MYLK: variants seen among roughly 807,000 people sequenced by gnomAD.
MYLK encodes the protein myosin light chain kinase.
In MYLK, 106 loss-of-function variants were observed where a neutral mutation model predicts 203.4. The ratio of observed to expected loss-of-function variants is 0.52; its 90% CI spans 0.45 to 0.61. The LOEUF (loss-of-function observed/expected upper bound fraction) is 0.61, where lower values mean the gene tolerates loss of function less well. MYLK is among the 20% of genes least tolerant of loss of function. The probability of loss-of-function intolerance (pLI) is 0.00; values close to 1 mark genes in which losing one functional copy is unlikely to be tolerated. For missense variants in MYLK, 2,072 were observed against 2,442.3 expected (o/e 0.85, Z 3.20); for synonymous variants, 867 against 959.5 (o/e 0.90, Z 1.78).
At chr3:123,775,969 T>A (rs1043071933) in intron 4 of MYLK, among the ~76,000 whole-genome samples, 2 of 152,154 alleles carry the variant, frequency 1.3e-5, no homozygotes, top group African/African-American at 4.8e-5. Context: ...ACGACTAGGA[T>A]GAACAGGCCT....
At chr3:123,782,532 C>T (rs115012292) in intron 4 of MYLK, among the ~76,000 whole-genome samples, 1,915 of 152,324 alleles carry the variant, frequency 0.013, 41 homozygotes, top group African/African-American at 0.044. Flanking sequence ...ATCTGAACAT[C>T]CTGGGCTCTC....
intron 20 of MYLK, chr3:123,681,930 T>C: frequency 2.2e-6 from 1 of 451,030 alleles, no homozygotes; most frequent in Middle Eastern, 6.3e-4. Flanking sequence ...TGGTGGGAAG[T>C]GAAAGGGCAT....
Position 123,657,398 on chromosome 3 carries a change from C to A in MYLK, c.4016G>T (p.Cys1339Phe), listed in dbSNP as rs749921840. Residue 1339 changes from cysteine (C) to phenylalanine (F), a missense_variant, in exon 24 of 34, where the codon TGT (cysteine) becomes TTT (phenylalanine). Coordinates refer to ENST00000360304, the MANE Select transcript of MYLK (RefSeq NM_053025.4). ...DKPDPPAGTP[C>F]ASDIRSSSLT... Reference sequence around the variant, plus strand: ...TGAGGAGCTCCGAATGTCAGAGGCACAAGGTGTGCCAGCTGGGGGGTCTGG... The same window carrying A: ...TGAGGAGCTCCGAATGTCAGAGGCAAAAGGTGTGCCAGCTGGGGGGTCTGG... 5.6e-6 allele frequency: 9 copies of A among 1,613,692 alleles called. No individual in the cohort carries two copies. Among genetic ancestry groups the A allele is most frequent in the Non-Finnish European group, 7.6e-6 (9 of 1,180,032 alleles).
At position 123,735,382 on chromosome 3, in the gene MYLK, C is replaced by A. The variant is rs746945590; in HGVS notation, c.773+16G>T. ...TTCAAGAGGGAAAACGTAAAAGTCA[C>A]AAAGCCTAGACATACCTATTGGCAC... On this transcript the variant is annotated intron_variant, in intron 9 of 33. Coordinates refer to ENST00000360304, the MANE Select transcript of MYLK (RefSeq NM_053025.4). 4 of 1,613,994 alleles carry A rather than the reference C, an allele frequency of 2.5e-6. No homozygotes were observed. In the Admixed American group the frequency reaches 6.7e-5, roughly 27 times the overall value.
At chr3:123,692,381 T>C (rs751169104) in intron 19 of MYLK, 21 of 1,183,294 alleles carry the variant, frequency 1.8e-5, no homozygotes, top group Middle Eastern at 7.7e-4. Context: ...TTGTTTGTTG[T>C]GGCTTTTGTA....
chr3:123,746,280 T>C (rs1243336794), intron 5 of MYLK, among the ~76,000 whole-genome samples: 1 of 149,992 alleles, frequency 6.7e-6, no homozygotes, highest in African/African-American at 2.4e-5. Context: ...AGGCTAGGAG[T>C]TTGAGCTTTA....
intron 2 of MYLK, among the ~76,000 whole-genome samples, chr3:123,834,555 C>T (rs959626948): frequency 4.0e-5 from 6 of 151,410 alleles, no homozygotes; most frequent in African/African-American, 1.2e-4. Flanking sequence ...GCAGGTTGCA[C>T]GGGGTTAAGG....
At chr3:123,799,200 C>T (rs893032600) in intron 3 of MYLK, among the ~76,000 whole-genome samples, 3 of 151,984 alleles carry the variant, frequency 2.0e-5, no homozygotes, top group Non-Finnish European at 4.4e-5. Flanking sequence ...ACCCCTCACC[C>T]CCTGATGCTT....
intron 24 of MYLK, among the ~76,000 whole-genome samples, chr3:123,652,550 G>A (rs528943365): frequency 7.9e-5 from 12 of 152,316 alleles, no homozygotes; most frequent in Non-Finnish European, 1.2e-4. Flanking sequence ...CCCCCGCCCC[G>A]GAGACGGCCT....
chr3:123,803,363 T>C (rs1265128237), intron 3 of MYLK, among the ~76,000 whole-genome samples: 2 of 152,184 alleles, frequency 1.3e-5, no homozygotes, highest in Non-Finnish European at 2.9e-5. Flanking sequence ...AAAAGCAACC[T>C]TGCTCAAAGT....
At chr3:123,651,958 C>T (rs916735938) in intron 24 of MYLK, among the ~76,000 whole-genome samples, 4 of 152,172 alleles carry the variant, frequency 2.6e-5, no homozygotes, top group Non-Finnish European at 4.4e-5. Context: ...ATCAAGAGTC[C>T]GGACTAAGCA....
At chr3:123,792,226 T>A (rs2064808707) in intron 4 of MYLK, among the ~76,000 whole-genome samples, 1 of 152,258 alleles carries the variant, frequency 6.6e-6, no homozygotes, top group Non-Finnish European at 1.5e-5. Flanking sequence ...AAGGAGTTTA[T>A]GTCTCAGAAG....
intron 13 of MYLK, among the ~76,000 whole-genome samples, chr3:123,712,320 G>A (rs1017922120): frequency 6.6e-6 from 1 of 152,222 alleles, no homozygotes; most frequent in Non-Finnish European, 1.5e-5. Context: ...CACAGACTGA[G>A]AAGGCTCAAG....
intron 2 of MYLK, among the ~76,000 whole-genome samples, chr3:123,873,129 T>C (rs1052622302): frequency 6.6e-6 from 1 of 152,132 alleles, no homozygotes; most frequent in African/African-American, 2.4e-5. Context: ...ACCAAATATA[T>C]ATTTATTATT....
chr3:123,738,864 C>T, intron 7 of MYLK, 33 bp downstream of exon 7: 1 of 1,592,618 alleles, frequency 6.3e-7, no homozygotes, highest in African/African-American at 1.3e-5. Context: ...CTAATACAGG[C>T]TGGATCAGGG....
chr3:123,864,588 G>T (rs909453468), intron 2 of MYLK, among the ~76,000 whole-genome samples: 1 of 152,088 alleles, frequency 6.6e-6, no homozygotes, highest in Non-Finnish European at 1.5e-5. Context: ...TTTAAACTTT[G>T]CTGTATACTT....
intron 2 of MYLK, among the ~76,000 whole-genome samples, chr3:123,848,363 G>C (rs2148661394): frequency 6.6e-6 from 1 of 151,364 alleles, no homozygotes; most frequent in South Asian, 2.1e-4. Flanking sequence ...CTTTTCCAAA[G>C]GTTTCTTTAG....
At chr3:123,706,285 A>C (rs1305242944) in intron 16 of MYLK, among the ~76,000 whole-genome samples, 1 of 152,206 alleles carries the variant, frequency 6.6e-6, no homozygotes, top group Non-Finnish European at 1.5e-5. Flanking sequence ...AAGATAACTG[A>C]TTCAGGTATA....
chr3:123,837,974 G>A (rs1481742416), intron 2 of MYLK, among the ~76,000 whole-genome samples: 1 of 152,176 alleles, frequency 6.6e-6, no homozygotes, highest in Non-Finnish European at 1.5e-5. Context: ...ATCTCAGAAA[G>A]AGAAGAAATA....
Sources: allele counts gnomAD v4.1 joint callset (sites outside exome capture counted in the v4.1 genomes callset), GRCh38; gene constraint gnomAD v4.1.1; transcripts MANE v1.5; gene names NCBI Gene and HGNC (gene_info 2026-07-23, HGNC 2026-07-21).